ODAD3: variants seen among roughly 807,000 people sequenced by gnomAD.
ODAD3 encodes the protein outer dynein arm-docking complex subunit 3.
In ODAD3, 57 loss-of-function variants were observed where a neutral mutation model predicts 70.9. The observed-to-expected ratio is 0.80, with a 90% CI of 0.65 to 1.00. ODAD3 has a LOEUF of 1.00. Among genes scored for constraint, ODAD3 ranks in the 50% least tolerant of loss-of-function variants. ODAD3 has a pLI of 0.00. For synonymous variants in ODAD3, 327 were observed against 315.9 expected, an observed-to-expected ratio of 1.04 and a Z score of -0.37; for missense variants, 797 against 763.9, an observed-to-expected ratio of 1.04 and a Z score of -0.51.
intron 1 of ODAD3, 159 bp downstream of exon 1, chr19:11,434,614 G>T: frequency 1.2e-6 from 1 of 852,944 alleles, no homozygotes; most frequent in Non-Finnish European, 1.8e-6. Context: ...CCCATGAGAA[G>T]TTTTAAGAGA....
At chr19:11,421,093 C>T (rs1251291196) in intron 12 of ODAD3, 35 bp downstream of exon 12, 4 of 1,609,696 alleles carry the variant, frequency 2.5e-6, no homozygotes, top group Non-Finnish European at 3.4e-6. Flanking sequence ...CTTGGGGCCC[C>T]AACCGCACCC....
In ODAD3 at chr19:11,426,450, G is replaced by C; in HGVS notation, c.836C>G (p.Ala279Gly). Reference sequence around the variant, plus strand: ...CGAGGGCAAGAGGGGTGGCACCTTGGCAATGTCCCGGGCATTGAGGGCCTC... The same window carrying C: ...CGAGGGCAAGAGGGGTGGCACCTTGCCAATGTCCCGGGCATTGAGGGCCTC... Reference protein sequence around the residue: ...NQEALNARDIAKNQLQYLEET... With the variant: ...NQEALNARDIGKNQLQYLEET... The change falls in exon 6 of 13, where the codon GCC (alanine) becomes GGC (glycine). Residue 279 changes from alanine to glycine, a missense_variant. Ala to Gly is a moderately conservative substitution (Grantham distance 60, BLOSUM62 0). Transcript: ENST00000356392. 6.2e-7 allele frequency: 1 copy of C among 1,614,010 alleles called. No individual in the cohort carries two copies. The highest frequency in any genetic ancestry group is 8.5e-7 in the Non-Finnish European group (1 of 1,179,956).
At position 11,425,053 on chromosome 19, in the gene ODAD3, GTGTATATGTGTATATA is replaced by G. The variant is rs1175942116; in HGVS notation, c.964-1040_964-1025del. Among the ~76,000 whole-genome samples the G allele has an allele frequency of 3.5e-4, 42 of 120,210 alleles. 1 individual carries two copies. In the East Asian group the frequency reaches 9.6e-3, roughly 27 times the overall value. 78.9% of individuals were successfully genotyped at this position (120,210 alleles called of 152,430 possible). Reference sequence around the variant, plus strand: ...TGCATATATACATATGTGTATATATGTGTATATGTGTATATATGTATATGTGTATATGTACATATGT... The same window carrying G: ...TGCATATATACATATGTGTATATATGTGTATATGTGTATATGTACATATGT... On this transcript the variant is annotated intron_variant, in intron 7 of 12. Transcript: ENST00000356392.
At chr19:11,429,823 C>T (rs890472533) in intron 3 of ODAD3, among the ~76,000 whole-genome samples, 10 of 151,696 alleles carry the variant, frequency 6.6e-5, no homozygotes, top group African/African-American at 1.7e-4. Context: ...CGGGCGTGAG[C>T]CACCGCGCCC....
At chr19:11,434,420 C>T (rs1252691278) in intron 1 of ODAD3, 1 of 167,870 alleles carries the variant, frequency 6.0e-6, no homozygotes, top group Non-Finnish European at 1.3e-5. Flanking sequence ...TGCCTGTAGT[C>T]CCAGCTACTC....
rs373223402 is a variant in ODAD3, at chr19:11,422,800, C to T, written c.1178G>A (p.Ser393Asn). The change falls in exon 9 of 13, where the codon AGC (serine) becomes AAC (asparagine). Residue 393 changes from serine to asparagine, a missense_variant. Ser to Asn is a conservative substitution (Grantham distance 46). Coordinates refer to ENST00000356392, the MANE Select transcript of ODAD3 (RefSeq NM_145045.5). This position sits in a 1 kb window ranked among gnomAD's most constrained non-coding sequence, Gnocchi z 4.6. ...DTFAQLETLK[S>N]ENEQTLVRLK... ...CCTCACCAACGTCTGCTCGTTCTCG[C>T]TCTTGAGCGTCTCCAACTGCGCGAA... 4.3e-6 allele frequency: 7 copies of T among 1,610,052 alleles called. No individual in the cohort carries two copies. Among genetic ancestry groups the T allele is most frequent in the Non-Finnish European group, 5.9e-6 (7 of 1,179,916 alleles).
At chr19:11,425,448 TAC>T (rs1210688240) in intron 7 of ODAD3, among the ~76,000 whole-genome samples, 2 of 137,494 alleles carry the variant, frequency 1.5e-5, no homozygotes, top group East Asian at 4.2e-4. Context: ...TATGTATATA[TAC>T]ATATATGTGT....
In ODAD3 at chr19:11,422,598, T is replaced by A. The variant is rs1413385314; in HGVS notation, c.1307A>T (p.Glu436Val). 3.8e-6 allele frequency: 6 copies of A among 1,596,922 alleles called. No homozygotes were observed. In the Admixed American group the frequency reaches 5.2e-5, roughly 14 times the overall value. The change falls in exon 10 of 13, where the codon GAG becomes GTG. Residue 436 changes from glutamate to valine, a missense_variant. By Grantham distance (121) the Glu-to-Val change is moderately radical. Coordinates refer to ENST00000356392, the MANE Select transcript of ODAD3 (RefSeq NM_145045.5). This position sits in a 1 kb window ranked among gnomAD's most constrained non-coding sequence, Gnocchi z 4.6. ...CCGCCGCTCCTCCTTCTTGAGACGC[T>A]CCTGCGCCTCGGCTTGCAGTTTCTG... is the stretch of plus-strand genomic sequence containing the variant. The part of the protein sequence containing the change: ...SQQKLQAEAQ[E>V]RLKKEERRHA...
chr19:11,435,366 A>C, upstream of ODAD3: 2 of 469,676 alleles, frequency 4.3e-6, no homozygotes, highest in Non-Finnish European at 3.7e-6. Context: ...CCCCAACCTT[A>C]TCCCGCCCCT....
chr19:11,434,693 A>G, intron 1 of ODAD3, 80 bp downstream of exon 1: 1 of 1,508,538 alleles, frequency 6.6e-7, no homozygotes, highest in Non-Finnish European at 8.9e-7. Flanking sequence ...CTCATGCTGG[A>G]GAAATACCTT....
chr19:11,425,672 C>CATATATGCAA, intron 7 of ODAD3, among the ~76,000 whole-genome samples: 1 of 128,004 alleles, frequency 7.8e-6, no homozygotes, highest in South Asian at 2.3e-4. Context: ...TATATATATG[C>CATATATGCAA]AAAAAAAACC....
Position 11,424,021 on chromosome 19 carries a change from G to C in ODAD3, c.972C>G (p.Arg324=). The C allele has an allele frequency of 1.9e-6, 3 of 1,609,104 alleles. No individual in the cohort carries two copies. The highest frequency in any genetic ancestry group is 2.5e-6 in the Non-Finnish European group (3 of 1,179,548). ...ENERMERKTH[R]EHLLLQSDDT... ...CGTCGGACTGTAGCAGCAGGTGCTC[G>C]CGGTGGGTCTGCTCGTGGGTTGAGG... The change falls in exon 8 of 13, where the codon CGC becomes CGG. Residue 324 remains arginine (R), a synonymous_variant. Transcript: ENST00000356392.
chr19:11,430,548 T>G, intron 3 of ODAD3, 151 bp downstream of exon 3: 1 of 758,598 alleles, frequency 1.3e-6, no homozygotes, highest in Non-Finnish European at 2.3e-6. Context: ...GGATGCCAGA[T>G]ACAAGGAAAG....
chr19:11,434,181 C>G (rs1030272804), intron 1 of ODAD3, among the ~76,000 whole-genome samples: 10 of 150,232 alleles, frequency 6.7e-5, no homozygotes. Context: ...CCACTGCTCT[C>G]CAGCCTAGGC....
chr19:11,423,754 G>A (rs1969196181), intron 8 of ODAD3, 123 bp downstream of exon 8: 1 of 994,038 alleles, frequency 1.0e-6, no homozygotes, highest in Non-Finnish European at 1.5e-6. Flanking sequence ...AGGTTTGTGA[G>A]CTGAATAACC....
In ODAD3 at chr19:11,421,109, TC is replaced by T. The variant is rs1479921056; in HGVS notation, c.1675+18del. ...TTGGGGCCCCAACCGCACCCCTTCA[TC>T]CCCCCACCCATACTGACCAAAAAAC... is the stretch of plus-strand genomic sequence containing the variant. On this transcript the variant is annotated intron_variant, in intron 12 of 12. Coordinates refer to ENST00000356392, the MANE Select transcript of ODAD3 (RefSeq NM_145045.5). 3.1e-6 allele frequency: 5 copies of T among 1,606,940 alleles called. No homozygotes were observed. The South Asian group carries it at 4.4e-5, about 14-fold the overall frequency.
rs995535286 is a variant in ODAD3, at chr19:11,425,457, G to A, written c.963+687C>T. The stretch of plus-strand genomic sequence containing the variant: ...TGTGTATATGTATATATACATATAT[G>A]TGTGTGTATATATGTATATATGTGT... On this transcript the variant is annotated intron_variant, in intron 7 of 12. Coordinates refer to ENST00000356392, the MANE Select transcript of ODAD3 (RefSeq NM_145045.5). Among the ~76,000 whole-genome samples, 13 of 133,460 alleles carry A rather than the reference G, an allele frequency of 9.7e-5. 2 individuals carry two copies. Among genetic ancestry groups the A allele is most frequent in the African/African-American group, 3.5e-4 (11 of 31,880 alleles). 87.6% of individuals were successfully genotyped at this position (133,460 alleles called of 152,430 possible). A position where few individuals can be genotyped will look rare whatever the true frequency, so the allele number is the denominator to read the frequency against.
intron 3 of ODAD3, among the ~76,000 whole-genome samples, chr19:11,428,095 G>A (rs1969424223): frequency 6.7e-6 from 1 of 149,092 alleles, no homozygotes. Context: ...GCGAGACTCT[G>A]TCTCAAAAAA....
rs756578727 is a variant in ODAD3, at chr19:11,421,676, C to T, written c.1590+1G>A. ...AGCTCTGCCCCATGGCTGCAGGGCA[C>T]CTCGCGGTTAGCGATGTGGCACAGC... On this transcript the variant is annotated splice_donor_variant, in intron 11 of 12. Transcript: ENST00000356392. LOFTEE classifies it high-confidence loss of function. 1.2e-6 allele frequency: 2 copies of T among 1,611,174 alleles called. No individual in the cohort carries two copies. The highest frequency in any genetic ancestry group is 1.7e-6 in the Non-Finnish European group (2 of 1,178,636).
Sources: allele counts gnomAD v4.1 joint callset (sites outside exome capture counted in the v4.1 genomes callset), GRCh38; gene constraint gnomAD v4.1.1; non-coding constraint Gnocchi (gnomAD v3.1); transcripts MANE v1.5; gene names NCBI Gene and HGNC (gene_info 2026-07-23, HGNC 2026-07-21).